The following PDE3A variants were observed in gnomAD, a reference collection of about 807,000 sequenced individuals.
The protein encoded by PDE3A is phosphodiesterase 3A, also known as cGMP-inhibited 3',5'-cyclic phosphodiesterase 3A.
Under a neutral mutation model 98.3 loss-of-function variants are expected in PDE3A, and 43 were observed. The observed-to-expected ratio is 0.44, with a 90% CI of 0.34 to 0.56. The LOEUF (loss-of-function observed/expected upper bound fraction) is 0.56. PDE3A is among the 20% of genes least tolerant of loss of function. The pLI is 0.01. For missense variants in PDE3A, 1,427 were observed against 1,440.7 expected (o/e 0.99, Z 0.15); for synonymous variants, 663 against 567.9 (o/e 1.17, Z -2.38).
intron 1 of PDE3A, among the ~76,000 whole-genome samples, chr12:20,545,631 T>C (rs1261673236): frequency 6.6e-6 from 1 of 151,942 alleles, no homozygotes; most frequent in Non-Finnish European, 1.5e-5. Flanking sequence ...TTACGAGGAA[T>C]ACAGGAGAAA....
In PDE3A at chr12:20,688,422, C is replaced by T. The variant is rs1946039990; in HGVS notation, c.*8151C>T. 2.6e-5 allele frequency among the ~76,000 whole-genome samples: 4 copies of T among 151,456 alleles called. No individual in the cohort carries two copies. In the South Asian group the frequency reaches 8.3e-4, roughly 32 times the overall value. On this transcript the variant is annotated 3_prime_UTR_variant, in exon 16 of 16. Coordinates refer to ENST00000359062, the MANE Select transcript of PDE3A (RefSeq NM_000921.5). Reference sequence around the variant, plus strand: ...TTAGCTTAGATACTATGTTGATGCTCCCTTTTTGCCAGAATTACTGGAAGT... The same window carrying T: ...TTAGCTTAGATACTATGTTGATGCTTCCTTTTTGCCAGAATTACTGGAAGT...
At chr12:20,626,444 A>T (rs568845579) in intron 5 of PDE3A, among the ~76,000 whole-genome samples, 22 of 151,524 alleles carry the variant, frequency 1.5e-4, no homozygotes, top group African/African-American at 5.3e-4. Flanking sequence ...GAATAGAAAT[A>T]TCCATGCTTC....
intron 1 of PDE3A, among the ~76,000 whole-genome samples, chr12:20,400,402 T>G (rs1446400969): frequency 0.033 from 4,047 of 122,866 alleles, 166 homozygotes; most frequent in Non-Finnish European, 0.046. Context: ...TTTTTTTTTT[T>G]TTTTTTTTTT....
intron 1 of PDE3A, among the ~76,000 whole-genome samples, chr12:20,378,521 T>G (rs1395840440): frequency 2.0e-5 from 3 of 151,682 alleles, no homozygotes. Flanking sequence ...ATAGACAGAT[T>G]TTATATCATA....
At chr12:20,401,714 G>A (rs1483647310) in intron 1 of PDE3A, among the ~76,000 whole-genome samples, 3 of 152,100 alleles carry the variant, frequency 2.0e-5, no homozygotes, top group Non-Finnish European at 2.9e-5. Context: ...CCATAGCGCT[G>A]TATCTATTGC....
At chr12:20,629,855 A>T in intron 5 of PDE3A, 53 bp from the exon 6 acceptor site, 1 of 1,374,206 alleles carries the variant, frequency 7.3e-7, no homozygotes, top group Non-Finnish European at 1.0e-6. Flanking sequence ...AACAGTTGCA[A>T]TTTTGCATTT....
intron 1 of PDE3A, among the ~76,000 whole-genome samples, chr12:20,380,882 T>A (rs1259688663): frequency 6.6e-6 from 1 of 151,896 alleles, no homozygotes; most frequent in Non-Finnish European, 1.5e-5. Flanking sequence ...ATTTGTGAGT[T>A]TACATTTTGC....
intron 1 of PDE3A, among the ~76,000 whole-genome samples, chr12:20,545,535 TATCA>T (rs1440773675): frequency 1.3e-5 from 2 of 152,062 alleles, no homozygotes; most frequent in East Asian, 3.9e-4. Flanking sequence ...CAATGCTATA[TATCA>T]GGCTCTCAGT....
Position 20,616,240 on chromosome 12 carries a change from G to A in PDE3A, c.1280G>A (p.Arg427Lys), listed in dbSNP as rs1374910103. ...AAGTCTCTTTCCTAGCGCCTGAGAA[G>A]GAGTTTGCCTCCTGGCTTGTTGAGA... The part of the protein sequence containing the change: ...DKLAIPKRLR[R>K]SLPPGLLRRV... The change falls in exon 4 of 16, where the codon AGG becomes AAG. Residue 427 changes from arginine (R) to lysine (K), a missense_variant. By Grantham distance (26) the Arg-to-Lys change is conservative. Coordinates refer to ENST00000359062, the MANE Select transcript of PDE3A (RefSeq NM_000921.5). 2 of 1,613,730 alleles carry A rather than the reference G, an allele frequency of 1.2e-6. No individual in the cohort carries two copies. The highest frequency in any genetic ancestry group is 1.3e-5 in the African/African-American group (1 of 74,880).
chr12:20,589,349 A>G (rs534714784), intron 2 of PDE3A, among the ~76,000 whole-genome samples: 1 of 152,308 alleles, frequency 6.6e-6, no homozygotes, highest in African/African-American at 2.4e-5. Context: ...TATTTTTGCC[A>G]TGGTTGCTGT....
intron 1 of PDE3A, among the ~76,000 whole-genome samples, chr12:20,451,703 T>G (rs1945069157): frequency 1.3e-5 from 2 of 152,214 alleles, no homozygotes; most frequent in Admixed American, 1.3e-4. Context: ...ATTTATTTCC[T>G]TTCCTTTAAT....
chr12:20,545,057 C>T (rs1016880553), intron 1 of PDE3A, among the ~76,000 whole-genome samples: 4 of 151,970 alleles, frequency 2.6e-5, no homozygotes, highest in African/African-American at 9.7e-5. Flanking sequence ...CACAGGAAAA[C>T]TTAAGCATGA....
In PDE3A at chr12:20,461,692, C is replaced by T. The variant is rs539842069; in HGVS notation, c.960+91448C>T. Among the ~76,000 whole-genome samples the T allele has an allele frequency of 7.2e-5, 11 of 152,120 alleles. No individual in the cohort carries two copies. In the South Asian group the frequency reaches 8.3e-4, roughly 11 times the overall value. The stretch of plus-strand genomic sequence containing the variant: ...TAACTAAATGGGATGATGGTGATGA[C>T]GATTATTATTGATTATTGTTTTCTT... On this transcript the variant is annotated intron_variant, in intron 1 of 15. Coordinates refer to ENST00000359062, the MANE Select transcript of PDE3A (RefSeq NM_000921.5).
In PDE3A at chr12:20,516,433, A is replaced by G. The variant is rs111339355; in HGVS notation, c.961-40227A>G. Among the ~76,000 whole-genome samples the G allele has an allele frequency of 2.7e-3, 416 of 152,328 alleles. 6 individuals carry two copies. The highest frequency in any genetic ancestry group is 0.01 in the Middle Eastern group (3 of 294). ...GTAGTGAAACAATCCTGTAATTTACACGACCAGTTCTACTTCACATATATT... is the reference window on the plus strand; with the variant it reads ...GTAGTGAAACAATCCTGTAATTTACGCGACCAGTTCTACTTCACATATATT... On this transcript the variant is annotated intron_variant, in intron 1 of 15. Coordinates refer to ENST00000359062, the MANE Select transcript of PDE3A (RefSeq NM_000921.5).
chr12:20,445,708 C>G (rs1944942284), intron 1 of PDE3A, among the ~76,000 whole-genome samples: 1 of 152,152 alleles, frequency 6.6e-6, no homozygotes, highest in African/African-American at 2.4e-5. Flanking sequence ...ATGCCGCCCT[C>G]ACTGTGTTGT....
intron 1 of PDE3A, among the ~76,000 whole-genome samples, chr12:20,519,597 C>T (rs375245796): frequency 1.6e-4 from 24 of 152,082 alleles, no homozygotes; most frequent in African/African-American, 3.1e-4. Flanking sequence ...GTATTTAATA[C>T]GAATATAATT....
At chr12:20,525,207 T>C (rs536284231) in intron 1 of PDE3A, among the ~76,000 whole-genome samples, 1 of 152,314 alleles carries the variant, frequency 6.6e-6, no homozygotes, top group South Asian at 2.1e-4. Flanking sequence ...TGCGTCAGTT[T>C]CCTCATCTGT....
chr12:20,422,220 C>T (rs1944528407), intron 1 of PDE3A, among the ~76,000 whole-genome samples: 1 of 151,964 alleles, frequency 6.6e-6, no homozygotes, highest in Non-Finnish European at 1.5e-5. Flanking sequence ...GTGGCGGGCA[C>T]CTGTAGTCCC....
intron 1 of PDE3A, among the ~76,000 whole-genome samples, chr12:20,434,226 C>G (rs1944744490): frequency 6.6e-6 from 1 of 151,818 alleles, no homozygotes. Flanking sequence ...TTGACTGCTG[C>G]CTGTTTTTGC....
Sources: gnomAD v4.1 joint callset for allele counts (sites outside exome capture counted in the v4.1 genomes callset) on GRCh38, gnomAD v4.1.1 for gene constraint, MANE v1.5 for transcripts, NCBI Gene and HGNC (gene_info 2026-07-23, HGNC 2026-07-21) for gene names.